The following CYP4X1 variants were observed in gnomAD, a reference collection of about 807,000 sequenced individuals.
CYP4X1 encodes the protein cytochrome P450 4X1.
A neutral mutation model predicts 57.9 loss-of-function variants in CYP4X1; 44 were observed. The ratio of observed to expected loss-of-function variants is 0.76; its 90% CI spans 0.60 to 0.98. The LOEUF (loss-of-function observed/expected upper bound fraction) is 0.98, where lower values mean the gene tolerates loss of function less well. Ranked by LOEUF, CYP4X1 falls within the 50% of genes least tolerant of loss-of-function variation. The pLI is 0.00. For synonymous variants in CYP4X1, 227 were observed against 228.6 expected, an observed-to-expected ratio of 0.99 and a Z score of 0.06; for missense variants, 532 against 623.9, an observed-to-expected ratio of 0.85 and a Z score of 1.57.
chr1:47,009,974 G>C, the CYP4X1 span, among the ~76,000 whole-genome samples: 1 of 152,140 alleles, frequency 6.6e-6, no homozygotes, highest in Admixed American at 6.5e-5. Flanking sequence ...CCGAATTCTA[G>C]CAGAGGTACA....
the CYP4X1 span, among the ~76,000 whole-genome samples, chr1:46,982,040 T>C: frequency 1.3e-5 from 2 of 152,118 alleles, no homozygotes. Context: ...AAATGACAAG[T>C]TACTGGGTGC....
chr1:47,004,604 T>C, the CYP4X1 span, among the ~76,000 whole-genome samples: 2 of 152,142 alleles, frequency 1.3e-5, no homozygotes, highest in African/African-American at 4.8e-5. Context: ...TTTGCCTTTT[T>C]TTTTTAATTT....
chr1:46,989,887 C>T, the CYP4X1 span, among the ~76,000 whole-genome samples: 1 of 152,146 alleles, frequency 6.6e-6, no homozygotes, highest in African/African-American at 2.4e-5. Context: ...ACACTTTATA[C>T]AAAAATTAAT....
At chr1:47,054,826 C>A (rs1300919323), downstream of CYP4X1, among the ~76,000 whole-genome samples, 1 of 152,164 alleles carries the variant, frequency 6.6e-6, no homozygotes, top group African/African-American at 2.4e-5. Context: ...TGGGCTGAGA[C>A]GATGGGGTTT....
chr1:47,033,188 C>G, intron 3 of CYP4X1, 53 bp from the exon 4 acceptor site: 1 of 1,585,824 alleles, frequency 6.3e-7, no homozygotes. Context: ...CTCATCTATC[C>G]TTCATCTCAT....
the CYP4X1 span, chr1:46,961,568 C>A: frequency 8.1e-7 from 1 of 1,237,476 alleles, no homozygotes; most frequent in East Asian, 5.7e-5. Flanking sequence ...TTCCTGAGAA[C>A]AAAGGGCTCA....
chr1:47,050,336 G>C lies in CYP4X1; in HGVS notation c.*162G>C. ...CCAAAATCATTTCTAGGTACACAGT[G>C]TGTCAGCTAGATCTGTTTCTATATA... On this transcript the variant is annotated 3_prime_UTR_variant, in exon 12 of 12. Transcript: ENST00000371901. 1 of 672,008 alleles carries C rather than the reference G, an allele frequency of 1.5e-6. No homozygotes were observed. 41.6% of individuals were successfully genotyped at this position (672,008 alleles called of 1,614,324 possible).
chr1:47,052,703 A>G (rs1351643157), downstream of CYP4X1, among the ~76,000 whole-genome samples: 2 of 152,218 alleles, frequency 1.3e-5, no homozygotes, highest in Non-Finnish European at 2.9e-5. Flanking sequence ...ACCACTTTCT[A>G]TGGGGAAAAC....
chr1:46,999,194 T>C, the CYP4X1 span, among the ~76,000 whole-genome samples: 1 of 152,152 alleles, frequency 6.6e-6, no homozygotes, highest in Non-Finnish European at 1.5e-5. Flanking sequence ...CTGTAACCCA[T>C]CTGGCCCCAG....
the CYP4X1 span, among the ~76,000 whole-genome samples, chr1:47,017,475 G>C: frequency 1.3e-5 from 2 of 151,986 alleles, no homozygotes; most frequent in Non-Finnish European, 2.9e-5. Context: ...CATAGGGCAG[G>C]GGGTGGAGAT....
At chr1:47,009,965 C>T in the CYP4X1 span, among the ~76,000 whole-genome samples, 244 of 152,266 alleles carry the variant, frequency 1.6e-3, 1 homozygote, top group African/African-American at 5.4e-3. Context: ...GATTCACAGC[C>T]GAATTCTAGC....
At chr1:47,020,941 T>C (rs1306076570), upstream of CYP4X1, among the ~76,000 whole-genome samples, 1 of 152,010 alleles carries the variant, frequency 6.6e-6, no homozygotes, top group Non-Finnish European at 1.5e-5. Context: ...TTGGCCTTCA[T>C]TTCTTGTCTC....
At chr1:47,016,363 A>G in the CYP4X1 span, among the ~76,000 whole-genome samples, 1 of 146,016 alleles carries the variant, frequency 6.8e-6, no homozygotes, top group African/African-American at 2.6e-5. Flanking sequence ...TTTTTTTGAG[A>G]TGGAGTCTTG....
chr1:46,963,441 C>G, the CYP4X1 span, among the ~76,000 whole-genome samples: 2 of 151,038 alleles, frequency 1.3e-5, no homozygotes, highest in Non-Finnish European at 3.0e-5. Context: ...TCTTGTAAGG[C>G]AGGCCTGGTG....
At chr1:47,036,302 C>A in intron 6 of CYP4X1, 131 bp downstream of exon 6, 1 of 1,135,544 alleles carries the variant, frequency 8.8e-7, no homozygotes. Context: ...ATAGACACTG[C>A]TCCAAAGAAA....
In CYP4X1 at chr1:47,038,684, A is replaced by T; in HGVS notation, c.800A>T (p.Lys267Ile). The change falls in exon 7 of 12, where the codon AAA becomes ATA. Residue 267 changes from lysine (K) to isoleucine (I), a missense_variant. By Grantham distance (102) the Lys-to-Ile change is moderately radical. Coordinates refer to ENST00000371901, the MANE Select transcript of CYP4X1 (RefSeq NM_178033.2). ...YTDTIIQERK[K>I]SLQAGVKQDN... ...GATACAATAATCCAGGAAAGAAAGA[A>T]ATCCCTCCAGGCTGGGGTAAAGCAG... 1 of 1,609,304 alleles carries T rather than the reference A, an allele frequency of 6.2e-7. No individual in the cohort carries two copies. The highest frequency in any genetic ancestry group is 8.5e-7 in the Non-Finnish European group (1 of 1,177,816).
chr1:46,976,376 G>A, the CYP4X1 span, among the ~76,000 whole-genome samples: 1 of 152,136 alleles, frequency 6.6e-6, no homozygotes, highest in Non-Finnish European at 1.5e-5. Flanking sequence ...GAAGTGCTAG[G>A]TGGCAGCCTG....
At chr1:47,036,546 G>A (rs929750370) in intron 6 of CYP4X1, among the ~76,000 whole-genome samples, 2 of 151,878 alleles carry the variant, frequency 1.3e-5, no homozygotes, top group Admixed American at 1.3e-4. Flanking sequence ...GTGGAACAGA[G>A]TAAACATGGA....
the CYP4X1 span, among the ~76,000 whole-genome samples, chr1:46,963,966 C>T: frequency 6.6e-6 from 1 of 152,122 alleles, no homozygotes; most frequent in Non-Finnish European, 1.5e-5. Context: ...TTTCTCTAAA[C>T]TTCTCTTCTC....
Sources: allele counts gnomAD v4.1 joint callset (sites outside exome capture counted in the v4.1 genomes callset), GRCh38; gene constraint gnomAD v4.1.1; transcripts MANE v1.5; gene names NCBI Gene and HGNC (gene_info 2026-07-23, HGNC 2026-07-21).